ABI3BP: variants seen among roughly 807,000 people sequenced by gnomAD.
The protein encoded by ABI3BP is ABI family member 3 binding protein, also known as target of Nesh-SH3.
ABI3BP carries 216 observed loss-of-function variants against 268.6 expected under a neutral mutation model. That is an observed-to-expected ratio of 0.80 (90% confidence interval 0.72 to 0.90). The LOEUF (loss-of-function observed/expected upper bound fraction) is 0.90, where lower values mean the gene tolerates loss of function less well. Ranked by LOEUF, ABI3BP falls within the 40% of genes least tolerant of loss-of-function variation. ABI3BP has a pLI of 0.00. For missense variants in ABI3BP, 2,090 were observed against 2,182.4 expected (o/e 0.96, Z 0.84); for synonymous variants, 730 against 730.0 (o/e 1.00, Z 0.00).
At chr3:100,915,106 T>C (rs1026433286) in intron 2 of ABI3BP, among the ~76,000 whole-genome samples, 1 of 152,156 alleles carries the variant, frequency 6.6e-6, no homozygotes, top group African/African-American at 2.4e-5. Context: ...TGCTATTTAA[T>C]ATTGCACTGT....
intron 1 of ABI3BP, among the ~76,000 whole-genome samples, chr3:100,927,322 G>T (rs1182739855): frequency 6.6e-6 from 1 of 152,114 alleles, no homozygotes; most frequent in Admixed American, 6.6e-5. Context: ...GAAGGAACCA[G>T]GTTCAAACCC....
rs572135687 is a variant in ABI3BP, at chr3:100,826,814, C to T, written c.2603-970G>A. On this transcript the variant is annotated intron_variant, in intron 34 of 67. Transcript: ENST00000471714. The stretch of plus-strand genomic sequence containing the variant: ...TTGTCTACACTTAGCAGAGGGAAAA[C>T]ATGATCTAGTGTGGAAGAAAGACTT... Among the ~76,000 whole-genome samples, 116 of 152,190 alleles carry T rather than the reference C, an allele frequency of 7.6e-4. 1 individual carries two copies. The highest frequency in any genetic ancestry group is 2.7e-3 in the African/African-American group (111 of 41,542).
At chr3:100,861,337 T>C (rs1380303229) in intron 14 of ABI3BP, among the ~76,000 whole-genome samples, 1 of 152,178 alleles carries the variant, frequency 6.6e-6, no homozygotes, top group East Asian at 1.9e-4. Flanking sequence ...TGCTCATCCT[T>C]TCTCAAACCC....
Position 100,749,384 on chromosome 3 carries a change from A to T in ABI3BP, c.*1111T>A, listed in dbSNP as rs1057220230. ...TTGCAGAATTTATACTTGTTTGAAA[A>T]ATACAAAATGTAGCGTTGATAAGAT... On this transcript the variant is annotated 3_prime_UTR_variant, in exon 68 of 68. Transcript: ENST00000471714. The T allele has an allele frequency of 5.7e-6, 2 of 350,540 alleles. No individual in the cohort carries two copies. The highest frequency in any genetic ancestry group is 9.4e-5 in the Admixed American group (2 of 21,238). The allele number at this position is 350,540 out of a possible 1,614,324, so 21.7% of individuals were successfully genotyped here. A position where few individuals can be genotyped will look rare whatever the true frequency, so the allele number is the denominator to read the frequency against.
intron 1 of ABI3BP, among the ~76,000 whole-genome samples, chr3:100,939,084 C>A (rs142817917): frequency 6.6e-6 from 1 of 152,172 alleles, no homozygotes; most frequent in East Asian, 1.9e-4. Flanking sequence ...TTTATCCTGG[C>A]TCTCTGGACC....
chr3:100,875,956 T>A (rs2099157612), intron 7 of ABI3BP, among the ~76,000 whole-genome samples: 1 of 152,178 alleles, frequency 6.6e-6, no homozygotes, highest in Non-Finnish European at 1.5e-5. Flanking sequence ...TTGAGTAATA[T>A]CAACACTAAC....
intron 1 of ABI3BP, among the ~76,000 whole-genome samples, chr3:100,944,011 T>C (rs1402322719): frequency 6.6e-6 from 1 of 152,164 alleles, no homozygotes; most frequent in African/African-American, 2.4e-5. Context: ...TTCTTAGTAG[T>C]AAGCGCAGAT....
intron 1 of ABI3BP, among the ~76,000 whole-genome samples, chr3:100,986,873 A>C (rs1173598005): frequency 1.3e-5 from 2 of 152,180 alleles, no homozygotes; most frequent in Non-Finnish European, 2.9e-5. Context: ...ATCATCTTTT[A>C]AAATGTTATT....
At position 100,946,788 on chromosome 3, in the gene ABI3BP, C is replaced by CAAAA. The variant is rs71800962; in HGVS notation, c.80-20311_80-20308dup. On this transcript the variant is annotated intron_variant, in intron 1 of 67. Transcript: ENST00000471714. ...GGGCAACAAGAGTGAAACTCCGTTT[C>CAAAA]AAAAAAAAAAAAAAAGAAAAGAAAT... Among the ~76,000 whole-genome samples the CAAAA allele has an allele frequency of 3.4e-5, 3 of 87,120 alleles. No homozygotes were observed. The East Asian group carries it at 1.1e-3, about 31-fold the overall frequency. The allele number at this position is 87,120 out of a possible 152,430, so 57.2% of individuals were successfully genotyped here.
In ABI3BP at chr3:100,796,351, G is replaced by T. The variant is rs73861214; in HGVS notation, c.3817+58C>A. 1.3e-3 allele frequency: 1,738 copies of T among 1,336,324 alleles called. 21 individuals are homozygous for T. In the African/African-American group the frequency reaches 0.024, roughly 18 times the overall value. The allele number at this position is 1,336,324 out of a possible 1,614,324, so 82.8% of individuals were successfully genotyped here. ...ACCATTAAAAATATATTTACTTCAA[G>T]AATTTTTTTTTTTGAAAAATATACT... On this transcript the variant is annotated intron_variant, in intron 52 of 67. Transcript: ENST00000471714.
rs750196928 is a variant in ABI3BP at position 100,886,185 on chromosome 3, A to C, written c.600T>G (p.Gly200=). ...YEFGVKDNVE[G]GIWSKIFNHK... ...GATTGAAAATCTTACTCCAAATTCCACCTTCCACATTGTCTTTCACTCCAA... is the reference window on the plus strand; with the variant it reads ...GATTGAAAATCTTACTCCAAATTCCCCCTTCCACATTGTCTTTCACTCCAA... The change falls in exon 5 of 68, where the codon GGT becomes GGG. Residue 200 remains glycine, a synonymous_variant. Transcript: ENST00000471714. The C allele has an allele frequency of 1.3e-4, 207 of 1,602,590 alleles. No homozygotes were observed. Among genetic ancestry groups the C allele is most frequent in the Non-Finnish European group, 1.7e-4 (199 of 1,174,630 alleles).
rs745592262 is a variant in ABI3BP, at chr3:100,775,187, G to A, written c.4462+20C>T. ...CACCTCACAGCTAAGTATCCAGTGA[G>A]AACTGATGGCCATACGAACCCAGTT... On this transcript the variant is annotated intron_variant, in intron 60 of 67. Coordinates refer to ENST00000471714, the MANE Select transcript of ABI3BP (RefSeq NM_001375547.2). The A allele has an allele frequency of 1.9e-6, 3 of 1,611,838 alleles. No individual in the cohort carries two copies. In the Admixed American group the frequency reaches 5.0e-5, roughly 27 times the overall value.
chr3:100,756,530 GAAAAC>G (rs1036721923), intron 63 of ABI3BP, among the ~76,000 whole-genome samples: 13 of 151,934 alleles, frequency 8.6e-5, no homozygotes, highest in South Asian at 2.1e-4. Flanking sequence ...TAAGAGGCCT[GAAAAC>G]AAAACAAAAC....
chr3:100,808,257 C>T (rs764960537), intron 49 of ABI3BP, 22 bp from the exon 50 acceptor site: 43 of 1,581,940 alleles, frequency 2.7e-5, no homozygotes, highest in East Asian at 1.1e-4. Flanking sequence ...GATATAGGTT[C>T]GGAAATCTTG....
intron 14 of ABI3BP, among the ~76,000 whole-genome samples, chr3:100,852,393 G>A (rs1455385389): frequency 6.6e-6 from 1 of 152,206 alleles, no homozygotes; most frequent in African/African-American, 2.4e-5. Context: ...AATATCTTAT[G>A]TATGGACAGC....
At chr3:100,886,426 A>G (rs1161719119) in intron 4 of ABI3BP, 103 bp from the exon 5 acceptor site, 1 of 805,716 alleles carries the variant, frequency 1.2e-6, no homozygotes. Context: ...TTGGGATACT[A>G]TTTAATATTG....
intron 1 of ABI3BP, among the ~76,000 whole-genome samples, chr3:100,976,414 A>C (rs951692049): frequency 4.6e-5 from 7 of 152,172 alleles, no homozygotes; most frequent in Admixed American, 2.6e-4. Context: ...AAGAAAAATA[A>C]AACTATTTTT....
chr3:100,753,915 G>T, intron 64 of ABI3BP, 67 bp from the exon 65 acceptor site: 1 of 1,463,224 alleles, frequency 6.8e-7, no homozygotes. Context: ...GTGGCATGGT[G>T]AAGATGATGG....
At chr3:100,878,537 C>T (rs1437001854) in intron 6 of ABI3BP, among the ~76,000 whole-genome samples, 1 of 152,230 alleles carries the variant, frequency 6.6e-6, no homozygotes, top group Non-Finnish European at 1.5e-5. Flanking sequence ...TTTAGACATG[C>T]TCTTTCTTGG....
Sources: gnomAD v4.1 joint callset for allele counts (sites outside exome capture counted in the v4.1 genomes callset) on GRCh38, gnomAD v4.1.1 for gene constraint, MANE v1.5 for transcripts, NCBI Gene and HGNC (gene_info 2026-07-23, HGNC 2026-07-21) for gene names.